The following DAB1 variants were observed in gnomAD, a reference collection of about 807,000 sequenced individuals.
DAB1 encodes DAB adaptor protein 1.
DAB1 carries 15 observed loss-of-function variants against 64.6 expected under a neutral mutation model. The ratio of observed to expected loss-of-function variants is 0.23; its 90% confidence interval spans 0.16 to 0.36. The LOEUF is 0.36. Among genes scored for constraint, DAB1 ranks in the 10% least tolerant of loss-of-function variants. The pLI, the probability that DAB1 is intolerant of heterozygous loss-of-function variation, is 1.00. For synonymous variants in DAB1, 235 were observed against 251.9 expected (o/e 0.93, Z 0.64); for missense variants, 596 against 706.7 (o/e 0.84, Z 1.78).
intron 14 of DAB1, among the ~76,000 whole-genome samples, chr1:56,999,609 T>C (rs1271126188): frequency 6.6e-6 from 1 of 152,214 alleles, no homozygotes; most frequent in Non-Finnish European, 1.5e-5. Flanking sequence ...TAGCATATCA[T>C]ATTGCTTGCT....
chr1:58,023,696 ATGT>A (rs1238178155), intron 5 of DAB1, among the ~76,000 whole-genome samples: 1 of 152,210 alleles, frequency 6.6e-6, no homozygotes, highest in Non-Finnish European at 1.5e-5. Context: ...TTATTTTAAA[ATGT>A]TGTGAGATAA....
At position 57,742,153 on chromosome 1, in the gene DAB1, T is replaced by G. The variant is rs139083811; in HGVS notation, n.552-92488A>C. Among the ~76,000 whole-genome samples the G allele has an allele frequency of 7.0e-3, 1,072 of 152,264 alleles. 11 individuals are homozygous for G. The highest frequency in any genetic ancestry group is 0.024 in the African/African-American group (998 of 41,540). ...CCACTTGGAATACAAGGATTTTTTT[T>G]GGGCTCCTCAGCCCACTAATGCATT... On this transcript the variant is annotated intron_variant and non_coding_transcript_variant, in intron 6 of 20. Coordinates refer to the DAB1 transcript ENST00000485760.
rs151153869 is a variant in DAB1, at chr1:58,284,610, T to C, written n.309+58742A>G. Among the ~76,000 whole-genome samples the C allele has an allele frequency of 2.5e-4, 38 of 152,392 alleles. No homozygotes were observed. The East Asian group carries it at 5.6e-3, about 22-fold the overall frequency. On this transcript the variant is annotated intron_variant and non_coding_transcript_variant, in intron 4 of 20. Transcript: ENST00000485760. ...AGGGCTTATGTTCATTTTGCTACAG[T>C]AAAAGTCTTCTCAAAGTCGTTTCAG...
chr1:57,195,972 A>G (rs143540772), intron 2 of DAB1, among the ~76,000 whole-genome samples: 8 of 152,156 alleles, frequency 5.3e-5, no homozygotes, highest in African/African-American at 1.9e-4. Flanking sequence ...TTATAGATAA[A>G]TTGTGGAGAA....
intron 1 of DAB1, among the ~76,000 whole-genome samples, chr1:57,842,673 A>G (rs1030091509): frequency 1.3e-5 from 2 of 152,188 alleles, no homozygotes; most frequent in Non-Finnish European, 2.9e-5. Flanking sequence ...GGGATGTGCC[A>G]TACTTTAAAA....
chr1:57,259,975 T>C (rs1445416871), intron 2 of DAB1, among the ~76,000 whole-genome samples: 1 of 152,214 alleles, frequency 6.6e-6, no homozygotes, highest in African/African-American at 2.4e-5. Context: ...TCATAGTTTG[T>C]TCCTGATTGT....
Position 58,376,566 on chromosome 1 carries a change from G to C in DAB1, n.258-33163C>G, listed in dbSNP as rs1222413367. ...AGATAGTTTGTTATAATTTCTGTTC[G>C]TTTACATTTGCTGAGGAGAGCTTTA... On this transcript the variant is annotated intron_variant and non_coding_transcript_variant, in intron 3 of 20. Coordinates refer to the DAB1 transcript ENST00000485760. 7.3e-4 allele frequency among the ~76,000 whole-genome samples: 108 copies of C among 146,996 alleles called. 1 individual carries two copies. Among genetic ancestry groups the C allele is most frequent in the African/African-American group, 2.6e-3 (101 of 39,506 alleles).
At chr1:58,436,398 G>A (rs1292925178) in intron 3 of DAB1, among the ~76,000 whole-genome samples, 1 of 152,208 alleles carries the variant, frequency 6.6e-6, no homozygotes, top group Admixed American at 6.5e-5. Flanking sequence ...TGGGAATGGG[G>A]AGCTTTCTCC....
chr1:57,797,271 T>C (rs1390080824), intron 6 of DAB1, among the ~76,000 whole-genome samples: 2 of 152,286 alleles, frequency 1.3e-5, no homozygotes, highest in South Asian at 2.1e-4. Context: ...GGCTTTCCTG[T>C]CATATGCTAA....
chr1:58,343,053 C>T (rs553198120), intron 4 of DAB1, among the ~76,000 whole-genome samples: 1 of 152,308 alleles, frequency 6.6e-6, no homozygotes, highest in East Asian at 1.9e-4. Context: ...GCCTGCCTCC[C>T]TAGCTTCATT....
intron 6 of DAB1, among the ~76,000 whole-genome samples, chr1:57,729,900 T>C (rs11807479): frequency 6.6e-6 from 1 of 151,706 alleles, no homozygotes; most frequent in Non-Finnish European, 1.5e-5. Context: ...ATCTCTAAAA[T>C]AAAATAAAAT....
At chr1:57,081,230 A>C (rs1224720705) in intron 4 of DAB1, among the ~76,000 whole-genome samples, 1 of 152,204 alleles carries the variant, frequency 6.6e-6, no homozygotes, top group African/African-American at 2.4e-5. Flanking sequence ...TAGGGATATA[A>C]GGAAGATCAC....
At chr1:58,174,696 T>TTAGATACTAG (rs1656366740) in intron 4 of DAB1, among the ~76,000 whole-genome samples, 1 of 152,210 alleles carries the variant, frequency 6.6e-6, no homozygotes, top group South Asian at 2.1e-4. Flanking sequence ...ATCAGCGCTC[T>TTAGATACTAG]GTGTCTAGCT....
intron 3 of DAB1, among the ~76,000 whole-genome samples, chr1:58,466,489 G>A (rs1351964367): frequency 6.6e-6 from 1 of 152,132 alleles, no homozygotes; most frequent in East Asian, 1.9e-4. Flanking sequence ...CAATGTGGGG[G>A]CCCAAGGGAG....
intron 7 of DAB1, among the ~76,000 whole-genome samples, chr1:57,593,330 C>T (rs570677226): frequency 1.3e-5 from 2 of 152,190 alleles, no homozygotes; most frequent in South Asian, 2.1e-4. Context: ...AGAAAGTGTC[C>T]GAATTTTTTT....
chr1:57,190,215 G>T (rs1430442568), intron 2 of DAB1, among the ~76,000 whole-genome samples: 1 of 152,164 alleles, frequency 6.6e-6, no homozygotes, highest in African/African-American at 2.4e-5. Flanking sequence ...TTCCACGTAA[G>T]GCTGTTCTGC....
intron 3 of DAB1, among the ~76,000 whole-genome samples, chr1:58,370,271 T>C (rs1644252340): frequency 6.6e-6 from 1 of 151,882 alleles, no homozygotes; most frequent in Non-Finnish European, 1.5e-5. Flanking sequence ...CAACACATAA[T>C]GAGTGGAAAA....
intron 6 of DAB1, among the ~76,000 whole-genome samples, chr1:57,774,138 A>G (rs1458619772): frequency 6.6e-6 from 1 of 151,934 alleles, no homozygotes; most frequent in Admixed American, 6.6e-5. Flanking sequence ...GCATTATGGT[A>G]AAGCTTCCCA....
In DAB1 at chr1:58,458,369, C is replaced by T. The variant is rs112454966; in HGVS notation, n.257+47691G>A. Among the ~76,000 whole-genome samples the T allele has an allele frequency of 1.7e-3, 256 of 152,242 alleles. 1 individual carries two copies. The highest frequency in any genetic ancestry group is 6.0e-3 in the African/African-American group (251 of 41,556). ...GATCCTTTGGAGATAGGTGTTGTTT[C>T]CCCATTTTAGAGAGGTGGAAACAGT... On this transcript the variant is annotated intron_variant and non_coding_transcript_variant, in intron 3 of 20. Coordinates refer to the DAB1 transcript ENST00000485760.
Sources: allele counts gnomAD v4.1 joint callset (sites outside exome capture counted in the v4.1 genomes callset), GRCh38; gene constraint gnomAD v4.1.1; transcripts MANE v1.5; gene names NCBI Gene and HGNC (gene_info 2026-07-23, HGNC 2026-07-21).